Variants in KCNIP4 observed in about 807,000 individuals in gnomAD.
KCNIP4 encodes potassium voltage-gated channel interacting protein 4.
A neutral mutation model predicts 34.0 loss-of-function variants in KCNIP4; 12 were observed. That is an observed-to-expected ratio of 0.35 (90% CI 0.23 to 0.57). KCNIP4 has a LOEUF of 0.57. Among genes scored for constraint, KCNIP4 ranks in the 20% least tolerant of loss-of-function variants. The probability of loss-of-function intolerance (pLI) is 0.83; values close to 1 mark genes in which losing one functional copy is unlikely to be tolerated. For missense variants in KCNIP4, 238 were observed against 311.7 expected, an observed-to-expected ratio of 0.76 and a Z score of 1.78; for synonymous variants, 124 against 102.2, an observed-to-expected ratio of 1.21 and a Z score of -1.29.
Position 20,729,751 on chromosome 4 carries a change from A to G in KCNIP4, c.*331T>C, listed in dbSNP as rs562164951. The G allele has an allele frequency of 7.1e-4, 151 of 212,722 alleles. 1 individual carries two copies. Among genetic ancestry groups the G allele is most frequent in the Non-Finnish European group, 1.1e-3 (119 of 107,988 alleles). 13.2% of individuals were successfully genotyped at this position (212,722 alleles called of 1,614,324 possible). Reference sequence around the variant, plus strand: ...TACAAATGAGTAGCAAAAAACACTGATATTTTAAAATCACTGATATGTGAA... The same window carrying G: ...TACAAATGAGTAGCAAAAAACACTGGTATTTTAAAATCACTGATATGTGAA... On this transcript the variant is annotated 3_prime_UTR_variant, in exon 9 of 9. Transcript: ENST00000382152.
intron 1 of KCNIP4, among the ~76,000 whole-genome samples, chr4:21,489,378 G>A (rs1841371): frequency 0.22 from 32,631 of 149,306 alleles, 3,733 homozygotes; most frequent in Admixed American, 0.27. Context: ...CAATTGAATA[G>A]GAAGTAGGGC....
chr4:20,822,371 T>C (rs1238346926), intron 3 of KCNIP4, among the ~76,000 whole-genome samples: 2 of 152,184 alleles, frequency 1.3e-5, no homozygotes, highest in Non-Finnish European at 2.9e-5. Flanking sequence ...CACAATGAGA[T>C]ACCACCTTAC....
chr4:21,724,062 A>G (rs946364956), intron 1 of KCNIP4, among the ~76,000 whole-genome samples: 4 of 152,124 alleles, frequency 2.6e-5, no homozygotes, highest in African/African-American at 9.7e-5. Flanking sequence ...GAAGGCTCCA[A>G]GCAGGTCCTG....
rs1560272464 is a variant in KCNIP4 at position 21,304,063 on chromosome 4, G to GAGAGAGAGAC, written c.62-421355_62-421354insGTCTCTCTCT. The GAGAGAGAGAC allele has an allele frequency of 1.1e-5, 4 of 362,652 alleles. No individual in the cohort carries two copies. The African/African-American group carries it at 2.0e-4, about 19-fold the overall frequency. 22.5% of individuals were successfully genotyped at this position (362,652 alleles called of 1,614,324 possible). ...AGAGAGAGAGAGAGAGAGAGAGAGA[G>GAGAGAGAGAC]AGAGACAGAGAGAGAGAGAGAGACA... On this transcript the variant is annotated intron_variant, in intron 1 of 8. Transcript: ENST00000382152.
At chr4:21,326,466 CT>C (rs34166585) in intron 1 of KCNIP4, among the ~76,000 whole-genome samples, 53,551 of 149,384 alleles carry the variant, frequency 0.36, 9,908 homozygotes, top group African/African-American at 0.46. Context: ...TTTTTCGTAC[CT>C]TTTTTTTTCA....
chr4:21,673,500 T>C (rs964958231), intron 1 of KCNIP4, among the ~76,000 whole-genome samples: 13 of 152,062 alleles, frequency 8.5e-5, no homozygotes, highest in African/African-American at 3.1e-4. Context: ...ACAATAAGAA[T>C]AAAATATTTT....
intron 1 of KCNIP4, among the ~76,000 whole-genome samples, chr4:21,130,786 A>C (rs1751008208): frequency 6.6e-6 from 1 of 152,224 alleles, no homozygotes; most frequent in South Asian, 2.1e-4. Flanking sequence ...AAACATATGC[A>C]TATATTATGA....
At chr4:21,867,987 A>G (rs528531209) in intron 1 of KCNIP4, among the ~76,000 whole-genome samples, 2 of 152,270 alleles carry the variant, frequency 1.3e-5, no homozygotes, top group African/African-American at 4.8e-5. Context: ...ATCATCCTTC[A>G]CTGTAATAAC....
chr4:20,891,567 G>C (rs1042737437), intron 1 of KCNIP4, among the ~76,000 whole-genome samples: 2 of 151,966 alleles, frequency 1.3e-5, no homozygotes, highest in Non-Finnish European at 2.9e-5. Flanking sequence ...ATCACGCCAC[G>C]GCACTCTAGC....
intron 3 of KCNIP4, among the ~76,000 whole-genome samples, chr4:20,764,709 A>ACAC (rs1553892155): frequency 1.7e-4 from 16 of 92,596 alleles, no homozygotes; most frequent in African/African-American, 3.4e-4. Context: ...CACACACACA[A>ACAC]CCCCATGAAC....
intron 4 of KCNIP4, among the ~76,000 whole-genome samples, chr4:20,758,038 G>C (rs1248272438): frequency 6.6e-6 from 1 of 152,166 alleles, no homozygotes; most frequent in Non-Finnish European, 1.5e-5. Flanking sequence ...CTTTTGGGCA[G>C]AGATTACATC....
chr4:21,630,889 C>A (rs1745720003), intron 1 of KCNIP4, among the ~76,000 whole-genome samples: 1 of 152,134 alleles, frequency 6.6e-6, no homozygotes, highest in African/African-American at 2.4e-5. Flanking sequence ...CTCCTCACAC[C>A]TACTTTTCAG....
chr4:21,183,223 TATATGTAC>T (rs2109328203), intron 1 of KCNIP4, among the ~76,000 whole-genome samples: 1 of 152,244 alleles, frequency 6.6e-6, no homozygotes, highest in East Asian at 1.9e-4. Flanking sequence ...TTCTATTGTG[TATATGTAC>T]CACATTTTAT....
At chr4:20,887,777 G>T (rs572187616) in intron 1 of KCNIP4, among the ~76,000 whole-genome samples, 1 of 152,054 alleles carries the variant, frequency 6.6e-6, no homozygotes, top group Non-Finnish European at 1.5e-5. Context: ...GGCATAATAC[G>T]GAAACTTGAC....
chr4:21,888,706 A>G (rs973345588), intron 1 of KCNIP4, among the ~76,000 whole-genome samples: 1 of 152,020 alleles, frequency 6.6e-6, no homozygotes, highest in African/African-American at 2.4e-5. Flanking sequence ...ATAACTGTCC[A>G]CACCTTCTGA....
intron 2 of KCNIP4, among the ~76,000 whole-genome samples, chr4:20,861,345 T>G (rs1722174066): frequency 6.6e-6 from 1 of 152,162 alleles, no homozygotes; most frequent in Non-Finnish European, 1.5e-5. Flanking sequence ...CCAAGAGTTA[T>G]TTTCAGGTGC....
At chr4:21,234,200 C>T (rs865969858) in intron 1 of KCNIP4, among the ~76,000 whole-genome samples, 1 of 78,530 alleles carries the variant, frequency 1.3e-5, no homozygotes, top group African/African-American at 1.1e-4. Context: ...TTATATATAA[C>T]ATATATAACG....
chr4:21,450,478 A>T (rs578213828), intron 1 of KCNIP4, among the ~76,000 whole-genome samples: 1 of 152,278 alleles, frequency 6.6e-6, no homozygotes, highest in African/African-American at 2.4e-5. Context: ...CCGTAGGTAA[A>T]TATCTTGAGA....
chr4:21,500,570 C>T (rs950846879), intron 1 of KCNIP4, among the ~76,000 whole-genome samples: 9 of 151,942 alleles, frequency 5.9e-5, no homozygotes, highest in Non-Finnish European at 1.2e-4. Context: ...AAAGTCATTG[C>T]GTTATTAGAG....
Sources: gnomAD v4.1 joint callset for allele counts (sites outside exome capture counted in the v4.1 genomes callset) on GRCh38, gnomAD v4.1.1 for gene constraint, MANE v1.5 for transcripts, NCBI Gene and HGNC (gene_info 2026-07-23, HGNC 2026-07-21) for gene names.